GALNT2: variants seen among roughly 807,000 people sequenced by gnomAD.
GALNT2 encodes UDP-GalNAc:polypeptide N-acetylgalactosaminyltransferase 2.
GALNT2 carries 31 observed loss-of-function variants against 81.4 expected under a neutral mutation model. The observed-to-expected ratio is 0.38, with a 90% CI of 0.29 to 0.51. The LOEUF is 0.51. GALNT2 is among the 20% of genes least tolerant of loss of function. The probability of loss-of-function intolerance (pLI) is 0.87; values close to 1 mark genes in which losing one functional copy is unlikely to be tolerated. For synonymous variants in GALNT2, 303 were observed against 287.4 expected, an observed-to-expected ratio of 1.05 and a Z score of -0.55; for missense variants, 629 against 765.7, an observed-to-expected ratio of 0.82 and a Z score of 2.11.
intron 3 of GALNT2, among the ~76,000 whole-genome samples, chr1:230,229,053 T>G (rs951844142): frequency 6.6e-5 from 10 of 152,206 alleles, no homozygotes; most frequent in African/African-American, 2.4e-4. Flanking sequence ...CACAATATAT[T>G]AATGACCTTC....
At chr1:230,191,576 A>G (rs1197374984) in intron 2 of GALNT2, among the ~76,000 whole-genome samples, 4 of 152,292 alleles carry the variant, frequency 2.6e-5, no homozygotes, top group South Asian at 2.1e-4. Context: ...CAGTAGTGCA[A>G]TCATAGCTCA....
chr1:230,145,300 G>C (rs962402174), intron 1 of GALNT2, among the ~76,000 whole-genome samples: 2 of 152,164 alleles, frequency 1.3e-5, no homozygotes, highest in African/African-American at 4.8e-5. Context: ...TGCACTGTCA[G>C]CTCCCCTGAC....
chr1:230,178,332 G>A, intron 2 of GALNT2, 21 bp downstream of exon 2: 1 of 1,594,140 alleles, frequency 6.3e-7, no homozygotes, highest in South Asian at 1.1e-5. Flanking sequence ...GGGCCAGGAA[G>A]CCATCTTGCT....
chr1:230,218,153 T>TGGAGGTGGTG (rs1430998940), intron 3 of GALNT2, among the ~76,000 whole-genome samples: 2 of 152,084 alleles, frequency 1.3e-5, no homozygotes, highest in African/African-American at 4.8e-5. Context: ...GGACTAACAA[T>TGGAGGTGGTG]GGAGGTGGTG....
intron 11 of GALNT2, among the ~76,000 whole-genome samples, chr1:230,260,464 G>C (rs1665846370): frequency 6.6e-6 from 1 of 152,176 alleles, no homozygotes; most frequent in African/African-American, 2.4e-5. Flanking sequence ...GAATTTTTAA[G>C]TGATTTAGTC....
intron 1 of GALNT2, among the ~76,000 whole-genome samples, chr1:230,145,255 C>T (rs967283684): frequency 1.6e-4 from 24 of 152,128 alleles, no homozygotes; most frequent in African/African-American, 4.8e-4. Flanking sequence ...GCAGACTGGC[C>T]GAATCTGAAT....
chr1:230,093,614 C>T (rs543768351), intron 1 of GALNT2, among the ~76,000 whole-genome samples: 2 of 152,332 alleles, frequency 1.3e-5, no homozygotes, highest in East Asian at 1.9e-4. Flanking sequence ...GTTTACTGGC[C>T]TTGCACATGT....
chr1:230,121,159 A>G (rs1661004420), intron 1 of GALNT2, among the ~76,000 whole-genome samples: 2 of 152,212 alleles, frequency 1.3e-5, no homozygotes, highest in African/African-American at 4.8e-5. Context: ...CCTTGTTGAC[A>G]TTCCCTGGGA....
At chr1:230,114,229 T>C (rs1660779631) in intron 1 of GALNT2, among the ~76,000 whole-genome samples, 1 of 152,186 alleles carries the variant, frequency 6.6e-6, no homozygotes, top group African/African-American at 2.4e-5. Flanking sequence ...GTCTTCCTGG[T>C]GTTTCCGCGC....
chr1:230,246,474 G>T (rs1665374641), intron 8 of GALNT2, among the ~76,000 whole-genome samples: 1 of 152,162 alleles, frequency 6.6e-6, no homozygotes. Flanking sequence ...GGAATCTGGG[G>T]TGAGAAGCTT....
At chr1:230,267,397 C>T (rs1009511668) in intron 14 of GALNT2, among the ~76,000 whole-genome samples, 3 of 152,238 alleles carry the variant, frequency 2.0e-5, no homozygotes, top group African/African-American at 7.2e-5. Context: ...GCTGCGCCTC[C>T]TGTTATTCCG....
intron 1 of GALNT2, among the ~76,000 whole-genome samples, chr1:230,152,601 A>C (rs1479101978): frequency 6.6e-6 from 1 of 152,156 alleles, no homozygotes; most frequent in East Asian, 1.9e-4. Flanking sequence ...CATCAAATTT[A>C]TTTGTTACTA....
chr1:230,134,150 C>T (rs1285945087), intron 1 of GALNT2, among the ~76,000 whole-genome samples: 2 of 148,786 alleles, frequency 1.3e-5, no homozygotes, highest in African/African-American at 5.0e-5. Flanking sequence ...CACTCTGTCA[C>T]CAGGCTGGAA....
intron 10 of GALNT2, among the ~76,000 whole-genome samples, chr1:230,251,619 GA>G (rs1665547635): frequency 6.6e-6 from 1 of 152,184 alleles, no homozygotes; most frequent in Admixed American, 6.5e-5. Context: ...AGCTTGGATT[GA>G]AGTCACTTGA....
At chr1:230,090,182 T>C (rs770394483) in intron 1 of GALNT2, among the ~76,000 whole-genome samples, 25 of 152,226 alleles carry the variant, frequency 1.6e-4, no homozygotes, top group Non-Finnish European at 3.1e-4. Flanking sequence ...GTCACCAAGA[T>C]AGAATGAATG....
At chr1:230,204,161 TC>T (rs1663990430) in intron 3 of GALNT2, among the ~76,000 whole-genome samples, 1 of 146,526 alleles carries the variant, frequency 6.8e-6, no homozygotes, top group African/African-American at 2.5e-5. Flanking sequence ...TTTTTCTTTT[TC>T]TTTTTCTTTT....
rs1242758168 is a variant in GALNT2 at position 230,193,841 on chromosome 1, G to C, written c.221-9296G>C. Reference sequence around the variant, plus strand: ...GGAGCGCTGTCTGGCTGTGTCTCTGGCTGCAGCCAGGTCCTAGAGTGTCAG... The same window carrying C: ...GGAGCGCTGTCTGGCTGTGTCTCTGCCTGCAGCCAGGTCCTAGAGTGTCAG... On this transcript the variant is annotated intron_variant, in intron 2 of 15. Transcript: ENST00000366672. The surrounding 1 kb of genome is among the most constrained non-coding windows in gnomAD (Gnocchi z 4.3). 2.6e-5 allele frequency among the ~76,000 whole-genome samples: 4 copies of C among 152,130 alleles called. No homozygotes were observed. Among genetic ancestry groups the C allele is most frequent in the Non-Finnish European group, 5.9e-5 (4 of 68,020 alleles).
chr1:230,224,545 C>T (rs1664647596), intron 3 of GALNT2, among the ~76,000 whole-genome samples: 1 of 152,226 alleles, frequency 6.6e-6, no homozygotes, highest in African/African-American at 2.4e-5. Context: ...GCAAATGGTG[C>T]TCTTTGAATG....
intron 3 of GALNT2, 72 bp downstream of exon 3, chr1:230,203,362 T>C (rs1425440614): frequency 2.0e-6 from 3 of 1,523,390 alleles, no homozygotes; most frequent in Non-Finnish European, 2.7e-6. Flanking sequence ...CTTTCACCTG[T>C]GACACTAGAA....
Sources: gnomAD v4.1 joint callset for allele counts (sites outside exome capture counted in the v4.1 genomes callset) on GRCh38, gnomAD v4.1.1 for gene constraint, Gnocchi (gnomAD v3.1) non-coding constraint, MANE v1.5 for transcripts, NCBI Gene and HGNC (gene_info 2026-07-23, HGNC 2026-07-21) for gene names.